Variants in CFAP47 observed in about 807,000 individuals in gnomAD.
The protein encoded by CFAP47 is cilia- and flagella-associated protein 47.
A neutral mutation model predicts 148.1 loss-of-function variants in CFAP47; 29 were observed. That is an observed-to-expected ratio of 0.20 (90% CI 0.15 to 0.27). The LOEUF (loss-of-function observed/expected upper bound fraction) is 0.27, where lower values mean the gene tolerates loss of function less well. Among genes scored for constraint, CFAP47 ranks in the 10% least tolerant of loss-of-function variants. CFAP47 has a pLI of 1.00. For missense variants in CFAP47, 1,872 were observed against 1,697.5 expected (o/e 1.10, Z -1.81); for synonymous variants, 664 against 577.3 (o/e 1.15, Z -2.15).
chrX:36,303,206 A>G (rs782654859), intron 53 of CFAP47, among the ~76,000 whole-genome samples: 3 of 111,372 alleles, frequency 2.7e-5, no homozygotes, highest in African/African-American at 6.5e-5. Flanking sequence ...TATGTTTTAG[A>G]GACAGGGTCT....
intron 2 of CFAP47, among the ~76,000 whole-genome samples, chrX:35,935,475 T>C (rs1935896583): frequency 9.0e-6 from 1 of 111,332 alleles, no homozygotes; most frequent in Non-Finnish European, 1.9e-5. Context: ...GATTCAAAAC[T>C]GTGTTTCCTA....
intron 37 of CFAP47, among the ~76,000 whole-genome samples, chrX:36,156,005 A>G (rs901341649): frequency 1.8e-5 from 2 of 111,462 alleles, no homozygotes; most frequent in Non-Finnish European, 3.8e-5. Context: ...ACTCTTGAGG[A>G]AACCAAGGAA....
chrX:36,242,768 C>G (rs1940561434), intron 48 of CFAP47, among the ~76,000 whole-genome samples: 1 of 111,742 alleles, frequency 8.9e-6, no homozygotes, highest in Non-Finnish European at 1.9e-5. Context: ...AGGATATAGT[C>G]CATGAAAATT....
At chrX:35,930,429 G>T (rs1266986079) in intron 2 of CFAP47, among the ~76,000 whole-genome samples, 2 of 110,459 alleles carry the variant, frequency 1.8e-5, no homozygotes, top group African/African-American at 6.6e-5. Context: ...TTTTTTAATT[G>T]TCATTGTATG....
At chrX:36,237,791 G>C (rs1190328896) in intron 48 of CFAP47, among the ~76,000 whole-genome samples, 9 of 111,701 alleles carry the variant, frequency 8.1e-5, no homozygotes, top group African/African-American at 2.9e-4. Flanking sequence ...ACCCATTATA[G>C]GTGCCTGAAT....
Position 35,941,319 on chromosome X carries a change from A to G in CFAP47, c.438A>G (p.Val146=), listed in dbSNP as rs1936005260. 2 of 1,174,996 alleles carry G rather than the reference A, an allele frequency of 1.7e-6. No homozygotes were observed. Among genetic ancestry groups the G allele is most frequent in the Admixed American group, 4.9e-5 (2 of 40,523 alleles). The change falls in exon 3 of 64, where the codon GTA becomes GTG. Residue 146 remains valine, a synonymous_variant. Coordinates refer to ENST00000378653, the MANE Select transcript of CFAP47 (RefSeq NM_001304548.2). ...IPSCQLEIES[V]VNFGTLVANS... Reference sequence around the variant, plus strand: ...CCTGTCAATTGGAAATTGAATCAGTAGTTAATTTTGGCACACTGGTTGCCA... The same window carrying G: ...CCTGTCAATTGGAAATTGAATCAGTGGTTAATTTTGGCACACTGGTTGCCA...
chrX:35,953,628 A>G lies in CFAP47; in HGVS notation c.1083A>G (p.Ser361=), dbSNP rs749438379. ...MAVGKKDIGP[S]YRQDYALFLR... ...TTGGTAAAAAGGATATTGGACCTTC[A>G]TACAGACAGGACTATGCTCTCTTTT... Residue 361 remains serine, a synonymous_variant, in exon 7 of 64, where the codon TCA becomes TCG. Transcript: ENST00000378653. The G allele has an allele frequency of 8.4e-7, 1 of 1,197,377 alleles. No homozygotes were observed. Among genetic ancestry groups the G allele is most frequent in the East Asian group, 3.0e-5 (1 of 33,519 alleles).
At chrX:35,924,107 A>G (rs375427998) in intron 1 of CFAP47, among the ~76,000 whole-genome samples, 8,457 of 90,415 alleles carry the variant, frequency 0.094, 654 homozygotes, top group East Asian at 0.16. Context: ...ATATGTATAT[A>G]TGTACATGTA....
intron 33 of CFAP47, among the ~76,000 whole-genome samples, chrX:36,134,950 G>A (rs1684495235): frequency 1.8e-5 from 2 of 110,967 alleles, no homozygotes; most frequent in Admixed American, 9.6e-5. Flanking sequence ...AAGATAGAAA[G>A]ATAGAAAAAA....
chrX:36,342,226 C>G (rs1941659605), intron 57 of CFAP47, among the ~76,000 whole-genome samples: 1 of 111,294 alleles, frequency 9.0e-6, no homozygotes, highest in African/African-American at 3.3e-5. Context: ...CCTAGAAACA[C>G]TTTATATAAT....
intron 39 of CFAP47, among the ~76,000 whole-genome samples, chrX:36,167,180 C>T (rs992268850): frequency 9.0e-6 from 1 of 111,663 alleles, no homozygotes; most frequent in Non-Finnish European, 1.9e-5. Context: ...AATTGTATTT[C>T]ACCATAACTG....
At chrX:36,014,705 C>T in intron 21 of CFAP47, 69 bp from the exon 22 acceptor site, 1 of 282,327 alleles carries the variant, frequency 3.5e-6, no homozygotes, top group African/African-American at 2.7e-5. Flanking sequence ...TGCTGTTTGG[C>T]TAAATAAATA....
At chrX:36,253,051 G>A (rs1287890401) in intron 49 of CFAP47, among the ~76,000 whole-genome samples, 1 of 111,977 alleles carries the variant, frequency 8.9e-6, no homozygotes, top group African/African-American at 3.2e-5. Context: ...AATCTTTTTT[G>A]TTGTTGTTGG....
chrX:36,065,290 A>G (rs73468979), intron 26 of CFAP47, among the ~76,000 whole-genome samples: 2,056 of 111,086 alleles, frequency 0.019, 49 homozygotes, highest in African/African-American at 0.063. Context: ...TAATAGCATC[A>G]TCCAAGGCTA....
chrX:36,379,422 A>C lies in CFAP47; in HGVS notation c.9258A>C (p.Gly3086=), dbSNP rs1942056852. 8.6e-7 allele frequency: 1 copy of C among 1,163,643 alleles called. No homozygotes were observed. The highest frequency in any genetic ancestry group is 1.8e-5 in the African/African-American group (1 of 55,803). ...AGTTTTTTGTAAAACCTCAGGCTGG[A>C]GAACTTCTTCCTTTTAACACAAACG... ...DLEFFVKPQA[G]ELLPFNTNGT... Residue 3086 remains glycine (G), a synonymous_variant, in exon 63 of 64, where the codon GGA becomes GGC. Transcript: ENST00000378653.
Position 36,272,193 on chromosome X carries a change from T to G in CFAP47, c.7445-8294T>G, listed in dbSNP as rs185378207. Among the ~76,000 whole-genome samples the G allele has an allele frequency of 9.3e-4, 104 of 111,985 alleles. 1 individual carries two copies. Among genetic ancestry groups the G allele is most frequent in the Non-Finnish European group, 2.4e-4 (13 of 53,094 alleles). On this transcript the variant is annotated intron_variant, in intron 49 of 63. Coordinates refer to ENST00000378653, the MANE Select transcript of CFAP47 (RefSeq NM_001304548.2). ...AAATGAGATCAAGATTCTGAAGCATTTCTTCAAGTAATTGTAACAGGTAAA... is the reference window on the plus strand; with the variant it reads ...AAATGAGATCAAGATTCTGAAGCATGTCTTCAAGTAATTGTAACAGGTAAA...
chrX:35,959,858 G>C (rs747055841), intron 8 of CFAP47, among the ~76,000 whole-genome samples: 1 of 84,982 alleles, frequency 1.2e-5, no homozygotes, highest in Admixed American at 1.6e-4. Context: ...CAGCCTGGGT[G>C]ACAGAGTGAG....
At chrX:36,175,612 G>T (rs771178182) in intron 39 of CFAP47, among the ~76,000 whole-genome samples, 4 of 112,129 alleles carry the variant, frequency 3.6e-5, no homozygotes, top group Non-Finnish European at 7.5e-5. Context: ...TAGGCTGCTC[G>T]GATGTCAGCA....
chrX:36,187,740 A>G lies in CFAP47; in HGVS notation c.6105-880A>G, dbSNP rs186101103. Among the ~76,000 whole-genome samples, 361 of 112,109 alleles carry G rather than the reference A, an allele frequency of 3.2e-3. 1 individual carries two copies. The highest frequency in any genetic ancestry group is 0.01 in the African/African-American group (321 of 30,931). On this transcript the variant is annotated intron_variant, in intron 40 of 63. Transcript: ENST00000378653. ...CCTGTGAGTATAATTAAGCCACAGA[A>G]TAACTGTAAGAAGTGGTAAGTAACC...
Sources: gnomAD v4.1 joint callset for allele counts (sites outside exome capture counted in the v4.1 genomes callset) on GRCh38, gnomAD v4.1.1 for gene constraint, MANE v1.5 for transcripts, NCBI Gene and HGNC (gene_info 2026-07-23, HGNC 2026-07-21) for gene names.